The following DIP2A variants were observed in gnomAD, a reference collection of about 807,000 sequenced individuals.
DIP2A encodes the protein DIP2 acetate--CoA ligase A.
Under a neutral mutation model 177.4 loss-of-function variants are expected in DIP2A, and 85 were observed. That is an observed-to-expected ratio of 0.48 (90% CI 0.40 to 0.57). The LOEUF is 0.57. Among genes scored for constraint, DIP2A ranks in the 20% least tolerant of loss-of-function variants. The probability of loss-of-function intolerance (pLI) is 0.00; values close to 1 mark genes in which losing one functional copy is unlikely to be tolerated. For missense variants in DIP2A, 1,791 were observed against 2,100.2 expected, an observed-to-expected ratio of 0.85 and a Z score of 2.88; for synonymous variants, 886 against 881.8, an observed-to-expected ratio of 1.00 and a Z score of -0.08.
At chr21:46,545,844 T>C in intron 19 of DIP2A, 37 bp from the exon 20 acceptor site, 1 of 1,607,500 alleles carries the variant, frequency 6.2e-7, no homozygotes, top group African/African-American at 1.3e-5. Context: ...TGGTTGGTTG[T>C]CCACAGCCTG....
At position 46,537,025 on chromosome 21, in the gene DIP2A, CCTT is replaced by C. The variant is rs1431369419; in HGVS notation, c.1643-196_1643-194del. On this transcript the variant is annotated intron_variant, in intron 13 of 37. Transcript: ENST00000417564. This position sits in a 1 kb window ranked among gnomAD's most constrained non-coding sequence, Gnocchi z 4.1. The stretch of plus-strand genomic sequence containing the variant: ...GTGGTTCTCTGTGTTAGTTCCATGA[CCTT>C]CTACTTTTATGTGTTTCCAGTAATT... 3.3e-5 allele frequency among the ~76,000 whole-genome samples: 5 copies of C among 152,086 alleles called. No individual in the cohort carries two copies. Among genetic ancestry groups the C allele is most frequent in the African/African-American group, 1.2e-4 (5 of 41,390 alleles).
At position 46,537,370 on chromosome 21, in the gene DIP2A, G is replaced by T; in HGVS notation, c.1708-76G>T. On this transcript the variant is annotated intron_variant, in intron 14 of 37. Coordinates refer to ENST00000417564, the MANE Select transcript of DIP2A (RefSeq NM_015151.4). This position sits in a 1 kb window ranked among gnomAD's most constrained non-coding sequence, Gnocchi z 4.1. Reference sequence around the variant, plus strand: ...GCCTCTGCCTGAAATGTTGTTGGGAGAGTACATCGGTTTTGTTTTGCTTTT... The same window carrying T: ...GCCTCTGCCTGAAATGTTGTTGGGATAGTACATCGGTTTTGTTTTGCTTTT... 1 of 1,609,656 alleles carries T rather than the reference G, an allele frequency of 6.2e-7. No individual in the cohort carries two copies. Among genetic ancestry groups the T allele is most frequent in the Non-Finnish European group, 8.5e-7 (1 of 1,175,996 alleles).
At chr21:46,540,290 A>C (rs1227498333) in intron 17 of DIP2A, among the ~76,000 whole-genome samples, 1 of 151,370 alleles carries the variant, frequency 6.6e-6, no homozygotes, top group Non-Finnish European at 1.5e-5. Flanking sequence ...CAACCTAGGA[A>C]CTCTTTCTTA....
intron 1 of DIP2A, among the ~76,000 whole-genome samples, chr21:46,463,707 TG>T (rs1568890386): frequency 5.9e-4 from 89 of 151,688 alleles, no homozygotes; most frequent in African/African-American, 1.7e-3. Context: ...TGTGTGTGTG[TG>T]TGTGTGTGTG....
chr21:46,578,953 G>A, the DIP2A span, among the ~76,000 whole-genome samples: 5 of 152,214 alleles, frequency 3.3e-5, no homozygotes, highest in South Asian at 2.1e-4. Flanking sequence ...TTTTGGTATC[G>A]GGATGATGCT....
In DIP2A at chr21:46,551,839, G is replaced by A. The variant is rs1385458957; in HGVS notation, c.2965G>A (p.Asp989Asn). The A allele has an allele frequency of 2.5e-6, 4 of 1,612,506 alleles. No individual in the cohort carries two copies. The highest frequency in any genetic ancestry group is 1.3e-5 in the African/African-American group (1 of 74,926). ...TCTCGTGCAGTTCCTGTTCCTGGCT[G>A]ACGTGCTGCAGTGGCGTGCCCACAC... ...DQARKFLFLA[D>N]VLQWRAHTTP... The change falls in exon 25 of 38, where the codon GAC (aspartate) becomes AAC (asparagine). Residue 989 changes from aspartate (D) to asparagine (N), a missense_variant. By Grantham distance (23) the Asp-to-Asn change is conservative. Coordinates refer to ENST00000417564, the MANE Select transcript of DIP2A (RefSeq NM_015151.4).
Position 46,557,493 on chromosome 21 carries a change from G to C in DIP2A, c.3630-92G>C, listed in dbSNP as rs78053956. On this transcript the variant is annotated intron_variant, in intron 30 of 37. Coordinates refer to ENST00000417564, the MANE Select transcript of DIP2A (RefSeq NM_015151.4). The surrounding 1 kb of genome is among the most constrained non-coding windows in gnomAD (Gnocchi z 6.0). ...GAACAGAAATCATGCCCCTGTTGTGGCTGGAAAAGAAGTGTTCTTGAGGAA... is the reference window on the plus strand; with the variant it reads ...GAACAGAAATCATGCCCCTGTTGTGCCTGGAAAAGAAGTGTTCTTGAGGAA... The C allele has an allele frequency of 1.6e-3, 2,218 of 1,419,178 alleles. 41 individuals carry two copies. In the African/African-American group the frequency reaches 0.028, roughly 18 times the overall value. 87.9% of individuals were successfully genotyped at this position (1,419,178 alleles called of 1,614,324 possible).
At chr21:46,494,954 G>A (rs2057222630) in intron 3 of DIP2A, among the ~76,000 whole-genome samples, 2 of 152,156 alleles carry the variant, frequency 1.3e-5, no homozygotes, top group African/African-American at 4.8e-5. Flanking sequence ...TGAGGATGGT[G>A]TTTCAAGACC....
intron 1 of DIP2A, among the ~76,000 whole-genome samples, chr21:46,465,366 G>A (rs540096613): frequency 2.6e-5 from 4 of 152,052 alleles, no homozygotes; most frequent in East Asian, 1.9e-4. Context: ...TCTGGAGTTC[G>A]AGACCAGCCT....
Position 46,534,017 on chromosome 21 carries a change from C to A in DIP2A, c.1443C>A (p.Leu481=). Reference sequence around the variant, plus strand: ...TGTGTGTCACAGGTTGGCCCCCGCTCTCCTGGCTAGTGATTGATGGGAAGC... The same window carrying A: ...TGTGTGTCACAGGTTGGCCCCCGCTATCCTGGCTAGTGATTGATGGGAAGC... ...EVAAFKGWPP[L]SWLVIDGKHL... is the part of the protein sequence containing the mutation. The change falls in exon 12 of 38, where the codon CTC becomes CTA. Residue 481 remains leucine (L), a synonymous_variant. Coordinates refer to ENST00000417564, the MANE Select transcript of DIP2A (RefSeq NM_015151.4). 2 of 1,613,584 alleles carry A rather than the reference C, an allele frequency of 1.2e-6. No homozygotes were observed.
Position 46,558,443 on chromosome 21 carries a change from G to C in DIP2A, c.3969+50G>C, listed in dbSNP as rs2060549517. The stretch of plus-strand genomic sequence containing the variant: ...TCGAAAGCTGGCTGTTGGCAGCATG[G>C]AGACCCAGTTTCCCAGTTGTTAATG... On this transcript the variant is annotated intron_variant, in intron 32 of 37. Transcript: ENST00000417564. The C allele has an allele frequency of 8.5e-6, 13 of 1,534,722 alleles. No individual in the cohort carries two copies. The East Asian group carries it at 3.2e-4, about 37-fold the overall frequency.
Position 46,504,471 on chromosome 21 carries a change from A to C in DIP2A, c.766A>C (p.Met256Leu). 1 of 1,610,956 alleles carries C rather than the reference A, an allele frequency of 6.2e-7. No individual in the cohort carries two copies. Among genetic ancestry groups the C allele is most frequent in the Non-Finnish European group, 8.5e-7 (1 of 1,178,208 alleles). The change falls in exon 6 of 38, where the codon ATG becomes CTG. Residue 256 changes from methionine (M) to leucine (L), a missense_variant. By Grantham distance (15) the Met-to-Leu change is conservative (BLOSUM62 2). Transcript: ENST00000417564. ...RSVPRGCSGSMLETADGVPVN... is the reference protein window; with the variant it reads ...RSVPRGCSGSLLETADGVPVN... ...TGTTCCTCGGGGGTGCAGCGGGAGC[A>C]TGCTGGAAACAGCAGATGGTGAGCC...
chr21:46,562,889 T>A (rs2060714505), intron 34 of DIP2A, among the ~76,000 whole-genome samples: 1 of 152,202 alleles, frequency 6.6e-6, no homozygotes, highest in African/African-American at 2.4e-5. Context: ...CGCACACAGC[T>A]CTGCATCATC....
rs1652981928 is a variant in DIP2A at position 46,458,998 on chromosome 21, T to C, written c.-134T>C. On this transcript the variant is annotated 5_prime_UTR_variant, in exon 1 of 38. Coordinates refer to ENST00000417564, the MANE Select transcript of DIP2A (RefSeq NM_015151.4). ...CGTTGCTGTCCTGGCCGCGCCCCTGTCCCGCCGCCTCCCGCTCCTCGCCTG... is the reference window on the plus strand; with the variant it reads ...CGTTGCTGTCCTGGCCGCGCCCCTGCCCCGCCGCCTCCCGCTCCTCGCCTG... The C allele has an allele frequency of 2.8e-5, 20 of 710,856 alleles. No homozygotes were observed. Among genetic ancestry groups the C allele is most frequent in the Non-Finnish European group, 4.1e-5 (20 of 484,090 alleles). The allele number at this position is 710,856 out of a possible 1,614,324, so 44.0% of individuals were successfully genotyped here. A position where few individuals can be genotyped will look rare whatever the true frequency, so the allele number is the denominator to read the frequency against.
At chr21:46,485,142 T>C (rs985500185) in intron 2 of DIP2A, among the ~76,000 whole-genome samples, 15 of 152,198 alleles carry the variant, frequency 9.9e-5, no homozygotes, top group African/African-American at 3.6e-4. Flanking sequence ...CTGGCACAAT[T>C]CTTACTAGGG....
intron 8 of DIP2A, among the ~76,000 whole-genome samples, chr21:46,527,787 G>A (rs2059165708): frequency 6.6e-6 from 1 of 152,260 alleles, no homozygotes; most frequent in African/African-American, 2.4e-5. Flanking sequence ...AAAGGGCTCA[G>A]TGATGACTTT....
At chr21:46,546,420 T>C (rs1373791363) in intron 20 of DIP2A, 1 of 588,364 alleles carries the variant, frequency 1.7e-6, no homozygotes, top group Non-Finnish European at 2.2e-6. Context: ...AGGGGAGTGC[T>C]CCTGGCATCT....
intron 25 of DIP2A, among the ~76,000 whole-genome samples, chr21:46,552,300 T>C (rs962461182): frequency 6.6e-6 from 1 of 152,248 alleles, no homozygotes; most frequent in African/African-American, 2.4e-5. Context: ...TTAGAATTTC[T>C]ACATTTGGTT....
chr21:46,561,352 T>C (rs552385525), intron 33 of DIP2A: 11 of 339,532 alleles, frequency 3.2e-5, no homozygotes, highest in South Asian at 2.6e-4. Flanking sequence ...TGCTGGTCTG[T>C]GGTCAGATGT....
Sources: allele counts gnomAD v4.1 joint callset (sites outside exome capture counted in the v4.1 genomes callset), GRCh38; gene constraint gnomAD v4.1.1; non-coding constraint Gnocchi (gnomAD v3.1); transcripts MANE v1.5; gene names NCBI Gene and HGNC (gene_info 2026-07-23, HGNC 2026-07-21).